The following PGM1 variants were observed in gnomAD, a reference collection of about 807,000 sequenced individuals.
PGM1 encodes phosphoglucomutase-1.
Under a neutral mutation model 55.6 loss-of-function variants are expected in PGM1, and 52 were observed. The observed-to-expected ratio is 0.94, with a 90% CI of 0.75 to 1.18. The LOEUF (loss-of-function observed/expected upper bound fraction) is 1.18. Among genes scored for constraint, PGM1 ranks in the 50% most tolerant of loss-of-function variants. The pLI, the probability that PGM1 is intolerant of heterozygous loss-of-function variation, is 0.00. For missense variants in PGM1, 724 were observed against 729.3 expected (o/e 0.99, Z 0.08); for synonymous variants, 287 against 271.7 (o/e 1.06, Z -0.55).
intron 4 of PGM1, among the ~76,000 whole-genome samples, chr1:63,633,900 GTGTGTGTGTGTGT>G (rs1649271330): frequency 2.2e-5 from 1 of 44,742 alleles, no homozygotes; most frequent in Non-Finnish European, 3.9e-5. Context: ...GTGTGTGTGT[GTGTGTGTGTGTGT>G]GTGTGTATAT....
intron 1 of PGM1, among the ~76,000 whole-genome samples, chr1:63,614,574 A>C (rs1648658025): frequency 6.6e-6 from 1 of 152,196 alleles, no homozygotes; most frequent in African/African-American, 2.4e-5. Context: ...AGGTAGCATG[A>C]TAGTTACATG....
chr1:63,597,586 T>C (rs983984404), intron 1 of PGM1, among the ~76,000 whole-genome samples: 1 of 152,184 alleles, frequency 6.6e-6, no homozygotes, highest in African/African-American at 2.4e-5. Flanking sequence ...CAGAGCCCAA[T>C]TGGGTACAAA....
intron 10 of PGM1, among the ~76,000 whole-genome samples, chr1:63,655,374 A>G (rs897794253): frequency 2.6e-5 from 4 of 152,220 alleles, no homozygotes; most frequent in South Asian, 2.1e-4. Flanking sequence ...CTGCTTGGGC[A>G]GAACACACCA....
At chr1:63,649,984 C>T (rs916938003) in intron 8 of PGM1, among the ~76,000 whole-genome samples, 4 of 152,164 alleles carry the variant, frequency 2.6e-5, no homozygotes, top group Non-Finnish European at 5.9e-5. Flanking sequence ...GAACAATAGC[C>T]AGAGTAGAAT....
intron 4 of PGM1, among the ~76,000 whole-genome samples, chr1:63,634,574 T>C (rs1649310591): frequency 6.6e-6 from 1 of 152,182 alleles, no homozygotes; most frequent in Non-Finnish European, 1.5e-5. Context: ...GTTGGTTTCC[T>C]TTCCTTTCCC....
chr1:63,634,751 C>T, intron 4 of PGM1, 78 bp from the exon 5 acceptor site: 3 of 1,230,446 alleles, frequency 2.4e-6, no homozygotes, highest in Non-Finnish European at 3.6e-6. Context: ...AATGCATCCA[C>T]CTCACCCCTG....
chr1:63,649,494 A>G (rs1159261017), intron 8 of PGM1, among the ~76,000 whole-genome samples: 1 of 152,216 alleles, frequency 6.6e-6, no homozygotes, highest in Non-Finnish European at 1.5e-5. Flanking sequence ...AAAGGATATT[A>G]GATGAATTGT....
At chr1:63,623,202 G>A in intron 1 of PGM1, 1 of 1,327,738 alleles carries the variant, frequency 7.5e-7, no homozygotes, top group Non-Finnish European at 9.6e-7. Context: ...TAAGTGGGCA[G>A]AAGTGTCCTC....
chr1:63,639,870 C>G (rs774897074), intron 7 of PGM1, among the ~76,000 whole-genome samples: 5 of 152,116 alleles, frequency 3.3e-5, no homozygotes, highest in Admixed American at 6.6e-5. Flanking sequence ...GAGTTCTAAG[C>G]AACTTGATAT....
intron 10 of PGM1, among the ~76,000 whole-genome samples, chr1:63,654,810 G>T (rs1649916124): frequency 6.6e-6 from 1 of 151,864 alleles, no homozygotes; most frequent in African/African-American, 2.4e-5. Context: ...TTTATGGTTT[G>T]CCAGGCTGTG....
At chr1:63,644,984 C>T (rs147536403) in intron 7 of PGM1, among the ~76,000 whole-genome samples, 1 of 152,188 alleles carries the variant, frequency 6.6e-6, no homozygotes, top group Non-Finnish European at 1.5e-5. Context: ...TTTAGAAACA[C>T]GTACCTGCAC....
In PGM1 at chr1:63,660,074, C is replaced by A; in HGVS notation, c.*399C>A. 1 of 274,390 alleles carries A rather than the reference C, an allele frequency of 3.6e-6. No homozygotes were observed. Among genetic ancestry groups the A allele is most frequent in the Admixed American group, 4.7e-5 (1 of 21,492 alleles). 17.0% of individuals were successfully genotyped at this position (274,390 alleles called of 1,614,324 possible). On this transcript the variant is annotated 3_prime_UTR_variant, in exon 11 of 11. Transcript: ENST00000371084. ...GTTCCTTTCTCTTTTGTGAATCTTT[C>A]CCCCCATTTCCTGTTTACATGTAAC...
At position 63,629,926 on chromosome 1, in the gene PGM1, G is replaced by C; in HGVS notation, c.410-16G>C. The C allele has an allele frequency of 6.2e-7, 1 of 1,613,924 alleles. No homozygotes were observed. Among genetic ancestry groups the C allele is most frequent in the Non-Finnish European group, 8.5e-7 (1 of 1,179,858 alleles). On this transcript the variant is annotated splice_polypyrimidine_tract_variant and intron_variant, in intron 2 of 10. Coordinates refer to ENST00000371084, the MANE Select transcript of PGM1 (RefSeq NM_002633.3). ...AGCTGCACGAAGTAACCCACTGTTTGCTGTTTGGTTTCCAGGTCCTGCTCC... is the reference window on the plus strand; with the variant it reads ...AGCTGCACGAAGTAACCCACTGTTTCCTGTTTGGTTTCCAGGTCCTGCTCC...
rs1257546328 is a variant in PGM1, at chr1:63,630,003, T to C, written c.471T>C (p.Tyr157=). ...IFQISKTIEE[Y]AVCPDLKVDL... Reference sequence around the variant, plus strand: ...AAATCAGCAAGACAATTGAAGAATATGCAGTTTGCCCTGACCTGAAAGTAG... The same window carrying C: ...AAATCAGCAAGACAATTGAAGAATACGCAGTTTGCCCTGACCTGAAAGTAG... Residue 157 remains tyrosine, a synonymous_variant, in exon 3 of 11, where the codon TAT becomes TAC. Transcript: ENST00000371084. 1 of 1,614,054 alleles carries C rather than the reference T, an allele frequency of 6.2e-7. No homozygotes were observed.
At chr1:63,639,851 A>T (rs1221835694) in intron 7 of PGM1, among the ~76,000 whole-genome samples, 1 of 152,170 alleles carries the variant, frequency 6.6e-6, no homozygotes, top group Non-Finnish European at 1.5e-5. Context: ...TTGGAGGCAC[A>T]TATTTACAGA....
chr1:63,596,350 AG>A (rs1487903907), intron 1 of PGM1, among the ~76,000 whole-genome samples: 3 of 138,904 alleles, frequency 2.2e-5, no homozygotes, highest in Non-Finnish European at 4.5e-5. Flanking sequence ...TCTGCCTCCC[AG>A]GTTCAAGCAA....
intron 9 of PGM1, among the ~76,000 whole-genome samples, chr1:63,653,130 T>C (rs2360159): frequency 0.24 from 36,124 of 152,078 alleles, 4,625 homozygotes; most frequent in Admixed American, 0.34. Context: ...TGGCCTAAGC[T>C]CGAGAGCTGC....
chr1:63,617,730 C>CAAAA (rs34771728), intron 1 of PGM1, among the ~76,000 whole-genome samples: 19 of 43,306 alleles, frequency 4.4e-4, no homozygotes, highest in Admixed American at 7.3e-4. Flanking sequence ...TGCCTCCCCA[C>CAAAA]AAAAAAAAAA....
intron 5 of PGM1, 148 bp downstream of exon 5, chr1:63,635,167 A>C: frequency 1.5e-6 from 1 of 688,714 alleles, no homozygotes; most frequent in Non-Finnish European, 2.6e-6. Flanking sequence ...AATTATTAGA[A>C]GCCCCTCTTG....
Sources: gnomAD v4.1 joint callset for allele counts (sites outside exome capture counted in the v4.1 genomes callset) on GRCh38, gnomAD v4.1.1 for gene constraint, MANE v1.5 for transcripts, NCBI Gene and HGNC (gene_info 2026-07-23, HGNC 2026-07-21) for gene names.